CNTN4: variants seen among roughly 807,000 people sequenced by gnomAD.
CNTN4 encodes the protein contactin 4.
Under a neutral mutation model 122.5 loss-of-function variants are expected in CNTN4, and 77 were observed. That is an observed-to-expected ratio of 0.63 (90% CI 0.52 to 0.76). CNTN4 has a LOEUF of 0.76. Ranked by LOEUF, CNTN4 falls within the 30% of genes least tolerant of loss-of-function variation. CNTN4 has a pLI of 0.00. For synonymous variants in CNTN4, 512 were observed against 447.0 expected, an observed-to-expected ratio of 1.15 and a Z score of -1.83; for missense variants, 1,256 against 1,259.1, an observed-to-expected ratio of 1.00 and a Z score of 0.04.
chr3:2,228,477 A>G (rs1210038814), intron 2 of CNTN4, among the ~76,000 whole-genome samples: 4 of 152,128 alleles, frequency 2.6e-5, no homozygotes, highest in South Asian at 2.1e-4. Flanking sequence ...GGCTGAAAGT[A>G]TATATCATCT....
chr3:3,020,565 C>T (rs889055468), intron 14 of CNTN4, among the ~76,000 whole-genome samples: 1 of 152,064 alleles, frequency 6.6e-6, no homozygotes, highest in Non-Finnish European at 1.5e-5. Context: ...ACTTGGCATC[C>T]CCTCTCTGAG....
intron 13 of CNTN4, among the ~76,000 whole-genome samples, chr3:2,969,856 T>C (rs1159820596): frequency 6.6e-6 from 1 of 152,150 alleles, no homozygotes; most frequent in Non-Finnish European, 1.5e-5. Flanking sequence ...GGGAGCATGA[T>C]GGTCAGAGAG....
chr3:2,705,596 A>C (rs1282127300), intron 4 of CNTN4, among the ~76,000 whole-genome samples: 1 of 16,432 alleles, frequency 6.1e-5, no homozygotes, highest in African/African-American at 1.9e-4. Flanking sequence ...TATAAAATTT[A>C]TATAAATTTT....
chr3:2,781,756 GCT>G (rs547170411), intron 6 of CNTN4, among the ~76,000 whole-genome samples: 13 of 117,838 alleles, frequency 1.1e-4, no homozygotes, highest in African/African-American at 2.8e-4. Context: ...ACGGAGTGTC[GCT>G]CTGTCGCCCA....
chr3:2,800,957 A>G (rs1412039035), intron 6 of CNTN4, among the ~76,000 whole-genome samples: 2 of 152,188 alleles, frequency 1.3e-5, no homozygotes, highest in Non-Finnish European at 2.9e-5. Context: ...ATTTTTAAAA[A>G]TTATAGCCTT....
intron 3 of CNTN4, among the ~76,000 whole-genome samples, chr3:2,383,739 C>G (rs1361839564): frequency 6.7e-6 from 1 of 149,158 alleles, no homozygotes; most frequent in African/African-American, 2.5e-5. Context: ...TCCCTCTTCT[C>G]TCTTCTCCCT....
intron 2 of CNTN4, among the ~76,000 whole-genome samples, chr3:2,239,420 C>A (rs1178526): frequency 2.0e-5 from 3 of 152,054 alleles, no homozygotes; most frequent in Admixed American, 2.0e-4. Context: ...AAATCTCATA[C>A]CAAAAATGAC....
intron 4 of CNTN4, among the ~76,000 whole-genome samples, chr3:2,694,214 T>A (rs2085894912): frequency 6.6e-6 from 1 of 152,184 alleles, no homozygotes; most frequent in South Asian, 2.1e-4. Flanking sequence ...ACTCCCATAG[T>A]TCCTTGCTCC....
chr3:2,600,066 G>C (rs1486738399), intron 4 of CNTN4, among the ~76,000 whole-genome samples: 2 of 129,698 alleles, frequency 1.5e-5, no homozygotes, highest in South Asian at 4.8e-4. Context: ...GTCAATAAAG[G>C]GCAGAAGTTT....
chr3:2,840,544 C>A lies in CNTN4; in HGVS notation c.454+20963C>A, dbSNP rs1446623527. On this transcript the variant is annotated intron_variant, in intron 7 of 24. Transcript: ENST00000418658. Reference sequence around the variant, plus strand: ...TGAAACCCCGTCTCTACTAAAAATACAAAAATTAGCCGGGCGCGGTGATGG... The same window carrying A: ...TGAAACCCCGTCTCTACTAAAAATAAAAAAATTAGCCGGGCGCGGTGATGG... Among the ~76,000 whole-genome samples, 5 of 17,776 alleles carry A rather than the reference C, an allele frequency of 2.8e-4. 2 individuals are homozygous for A. The highest frequency in any genetic ancestry group is 1.6e-3 in the Non-Finnish European group (5 of 3,174). The allele number at this position is 17,776 out of a possible 152,430, so 11.7% of individuals were successfully genotyped here.
intron 3 of CNTN4, among the ~76,000 whole-genome samples, chr3:2,358,180 CTATT>C (rs1395680912): frequency 6.6e-6 from 1 of 152,172 alleles, no homozygotes; most frequent in Non-Finnish European, 1.5e-5. Context: ...ATATTTCTAT[CTATT>C]TAAGATGTAT....
At chr3:2,210,407 C>T (rs371825518) in intron 2 of CNTN4, among the ~76,000 whole-genome samples, 11 of 152,216 alleles carry the variant, frequency 7.2e-5, no homozygotes, top group Middle Eastern at 6.8e-3. Context: ...TCCAAGGTTC[C>T]GGCATACCAT....
At chr3:2,521,806 A>G (rs2077228439) in intron 3 of CNTN4, among the ~76,000 whole-genome samples, 1 of 152,078 alleles carries the variant, frequency 6.6e-6, no homozygotes, top group Non-Finnish European at 1.5e-5. Flanking sequence ...AGAAGGAGTT[A>G]CAGAGTAGAT....
chr3:3,045,806 G>T (rs1439321878), intron 23 of CNTN4, among the ~76,000 whole-genome samples: 3 of 152,164 alleles, frequency 2.0e-5, no homozygotes, highest in African/African-American at 7.2e-5. Flanking sequence ...GAGAGAAGAA[G>T]GCTTCAGATG....
intron 4 of CNTN4, among the ~76,000 whole-genome samples, chr3:2,678,673 A>C (rs1375962460): frequency 6.6e-6 from 1 of 152,136 alleles, no homozygotes; most frequent in Admixed American, 6.5e-5. Flanking sequence ...CCATCTTTGC[A>C]TGGTTGGTTT....
intron 2 of CNTN4, among the ~76,000 whole-genome samples, chr3:2,320,213 A>C (rs2043233229): frequency 6.6e-6 from 1 of 152,118 alleles, no homozygotes; most frequent in African/African-American, 2.4e-5. Context: ...GGGGGGATTT[A>C]ATTACGTTTA....
intron 2 of CNTN4, among the ~76,000 whole-genome samples, chr3:2,250,760 G>T (rs901284177): frequency 2.0e-5 from 3 of 151,882 alleles, no homozygotes; most frequent in Non-Finnish European, 4.4e-5. Flanking sequence ...ATCCCTCAAA[G>T]AATGTGTAAT....
chr3:2,653,571 T>C (rs564830271), intron 4 of CNTN4, among the ~76,000 whole-genome samples: 97 of 152,318 alleles, frequency 6.4e-4, no homozygotes, highest in African/African-American at 2.1e-3. Context: ...AAGATTGGTC[T>C]TTTCACTGAT....
intron 7 of CNTN4, among the ~76,000 whole-genome samples, chr3:2,829,071 G>A (rs558423757): frequency 6.6e-6 from 1 of 152,240 alleles, no homozygotes; most frequent in East Asian, 1.9e-4. Context: ...GATCTTGTCT[G>A]TTGCCTCTTG....
Sources: allele counts gnomAD v4.1 joint callset (sites outside exome capture counted in the v4.1 genomes callset), GRCh38; gene constraint gnomAD v4.1.1; transcripts MANE v1.5; gene names NCBI Gene and HGNC (gene_info 2026-07-23, HGNC 2026-07-21).